The following SUCLG2 variants were observed in gnomAD, a reference collection of about 807,000 sequenced individuals.
SUCLG2 encodes succinate--CoA ligase [GDP-forming] subunit beta, mitochondrial.
In SUCLG2, 42 loss-of-function variants were observed where a neutral mutation model predicts 47.9. The ratio of observed to expected loss-of-function variants is 0.88; its 90% CI spans 0.69 to 1.14. SUCLG2 has a LOEUF of 1.14. Among genes scored for constraint, SUCLG2 ranks in the 50% most tolerant of loss-of-function variants. SUCLG2 has a pLI of 0.00. For synonymous variants in SUCLG2, 195 were observed against 197.3 expected, an observed-to-expected ratio of 0.99 and a Z score of 0.10; for missense variants, 571 against 525.9, an observed-to-expected ratio of 1.09 and a Z score of -0.84.
chr3:67,401,016 C>G (rs1575671828), intron 9 of SUCLG2, among the ~76,000 whole-genome samples, 165 bp from the exon 10 acceptor site: 1 of 152,204 alleles, frequency 6.6e-6, no homozygotes, highest in African/African-American at 2.4e-5. Flanking sequence ...GTTAAGAAAG[C>G]TCATATTAGT....
intron 1 of SUCLG2, among the ~76,000 whole-genome samples, chr3:67,647,639 T>G (rs1307988396): frequency 6.6e-6 from 1 of 152,220 alleles, no homozygotes; most frequent in African/African-American, 2.4e-5. Context: ...CAGTCGTCAC[T>G]ACTAAGTCAA....
intron 5 of SUCLG2, among the ~76,000 whole-genome samples, chr3:67,518,562 T>C (rs1706013824): frequency 6.6e-6 from 1 of 152,252 alleles, no homozygotes; most frequent in Non-Finnish European, 1.5e-5. Context: ...CATGGTGGCA[T>C]GCTGACAAGA....
At chr3:67,527,188 C>T (rs1456653247) in intron 4 of SUCLG2, among the ~76,000 whole-genome samples, 1 of 152,236 alleles carries the variant, frequency 6.6e-6, no homozygotes, top group Non-Finnish European at 1.5e-5. Flanking sequence ...AACAGGATGT[C>T]ACCACTGCAG....
chr3:67,443,975 C>T (rs1380815421), intron 9 of SUCLG2, among the ~76,000 whole-genome samples: 30 of 117,112 alleles, frequency 2.6e-4, no homozygotes, highest in Admixed American at 4.4e-4. Context: ...GGGGTCAGCC[C>T]CCCGCCCGGC....
intron 9 of SUCLG2, among the ~76,000 whole-genome samples, chr3:67,424,713 A>C (rs13084859): frequency 0.034 from 5,098 of 152,126 alleles, 114 homozygotes; most frequent in African/African-American, 0.058. Context: ...TACTAAAACC[A>C]CCAGCATCAC....
intron 7 of SUCLG2, among the ~76,000 whole-genome samples, chr3:67,502,574 G>A (rs1705526611): frequency 6.6e-6 from 1 of 152,162 alleles, no homozygotes; most frequent in Non-Finnish European, 1.5e-5. Flanking sequence ...TAGACAGTGG[G>A]TACTAGCAGG....
chr3:67,559,056 A>C (rs1707237564), intron 2 of SUCLG2, among the ~76,000 whole-genome samples: 2 of 152,228 alleles, frequency 1.3e-5, no homozygotes, highest in Admixed American at 1.3e-4. Flanking sequence ...GGAGCAAATA[A>C]TATCACAATG....
intron 9 of SUCLG2, among the ~76,000 whole-genome samples, chr3:67,488,053 CTATA>C (rs1310533906): frequency 2.6e-5 from 4 of 151,752 alleles, no homozygotes; most frequent in African/African-American, 9.7e-5. Flanking sequence ...AGAAAGCAGA[CTATA>C]TAATATTGTC....
intron 1 of SUCLG2, among the ~76,000 whole-genome samples, chr3:67,645,697 T>C (rs973518545): frequency 6.6e-6 from 1 of 151,992 alleles, no homozygotes; most frequent in Non-Finnish European, 1.5e-5. Context: ...GTTTATTCCC[T>C]TAATCAAAAA....
In SUCLG2 at chr3:67,368,563, T is replaced by G. The variant is rs550192338; in HGVS notation, c.1184-7795A>C. On this transcript the variant is annotated intron_variant, in intron 10 of 10. Transcript: ENST00000493112. ...CATGGTGAATCATACAATCCACTAT[T>G]TTATATGTTTCCATTTTTCTGGCAT... is the stretch of plus-strand genomic sequence containing the variant. 5.9e-5 allele frequency among the ~76,000 whole-genome samples: 9 copies of G among 152,212 alleles called. No individual in the cohort carries two copies. The East Asian group carries it at 1.5e-3, about 26-fold the overall frequency.
chr3:67,481,584 G>A (rs1704918095), intron 9 of SUCLG2, among the ~76,000 whole-genome samples: 1 of 152,168 alleles, frequency 6.6e-6, no homozygotes, highest in Non-Finnish European at 1.5e-5. Context: ...TGTCAACACT[G>A]ACAGTCCATG....
At chr3:67,640,446 T>C (rs1324926902) in intron 1 of SUCLG2, among the ~76,000 whole-genome samples, 1 of 152,258 alleles carries the variant, frequency 6.6e-6, no homozygotes, top group East Asian at 1.9e-4. Context: ...ACCTTTTCTC[T>C]GCATACCATC....
downstream of SUCLG2, among the ~76,000 whole-genome samples, chr3:67,373,748 TTC>T (rs1469399586): frequency 6.6e-6 from 1 of 152,208 alleles, no homozygotes; most frequent in South Asian, 2.1e-4. Context: ...CTCATTTATT[TTC>T]TCTTTCCCTC....
chr3:67,520,712 A>C (rs1309472220), intron 4 of SUCLG2, 78 bp from the exon 5 acceptor site: 1 of 1,500,958 alleles, frequency 6.7e-7, no homozygotes, highest in East Asian at 2.3e-5. Flanking sequence ...AACTTGCTAC[A>C]CGAATCAAAT....
At chr3:67,514,160 C>T in intron 6 of SUCLG2, 1 of 296,346 alleles carries the variant, frequency 3.4e-6, no homozygotes, top group South Asian at 3.5e-5. Flanking sequence ...GCAAGATCAG[C>T]AAATGTCTAT....
In SUCLG2 at chr3:67,527,807, C is replaced by T. The variant is rs1372358968; in HGVS notation, c.417+325G>A. On this transcript the variant is annotated intron_variant, in intron 4 of 10. Transcript: ENST00000307227. Reference sequence around the variant, plus strand: ...GTGTGGGAGCAGCGAATGTCCCTCACTGAGTATAAGGCTGTCACAGCAAGC... The same window carrying T: ...GTGTGGGAGCAGCGAATGTCCCTCATTGAGTATAAGGCTGTCACAGCAAGC... 5.9e-5 allele frequency among the ~76,000 whole-genome samples: 9 copies of T among 152,200 alleles called. No homozygotes were observed. The East Asian group carries it at 9.6e-4, about 16-fold the overall frequency.
intron 2 of SUCLG2, among the ~76,000 whole-genome samples, chr3:67,559,739 G>T (rs1018129076): frequency 6.6e-6 from 1 of 152,158 alleles, no homozygotes; most frequent in Admixed American, 6.5e-5. Flanking sequence ...TAATGGCAGA[G>T]AATTTTTCAC....
At chr3:67,503,876 A>G (rs1009888122) in intron 7 of SUCLG2, among the ~76,000 whole-genome samples, 5 of 152,184 alleles carry the variant, frequency 3.3e-5, no homozygotes, top group African/African-American at 1.2e-4. Flanking sequence ...TAATTCAACA[A>G]TCTCGATAGA....
At chr3:67,369,503 G>A (rs1701922051) in intron 10 of SUCLG2, among the ~76,000 whole-genome samples, 1 of 152,162 alleles carries the variant, frequency 6.6e-6, no homozygotes, top group Non-Finnish European at 1.5e-5. Flanking sequence ...CCTGAGAGCT[G>A]GGAAGTGCAT....
Sources: gnomAD v4.1 joint callset for allele counts (sites outside exome capture counted in the v4.1 genomes callset) on GRCh38, gnomAD v4.1.1 for gene constraint, MANE v1.5 for transcripts, NCBI Gene and HGNC (gene_info 2026-07-23, HGNC 2026-07-21) for gene names.